REDIC1: variants seen among roughly 807,000 people sequenced by gnomAD.
REDIC1 encodes regulator of DNA class I crossover intermediates 1.
At chr12:39,702,868 T>A in the REDIC1 span, among the ~76,000 whole-genome samples, 1 of 152,224 alleles carries the variant, frequency 6.6e-6, no homozygotes, top group African/African-American at 2.4e-5. Context: ...GAAAAGTCCT[T>A]TGACACAATT....
chr12:39,656,334 T>C, the REDIC1 span, among the ~76,000 whole-genome samples: 1 of 152,300 alleles, frequency 6.6e-6, no homozygotes, highest in Non-Finnish European at 1.5e-5. Context: ...CATAATATTA[T>C]AATGGAGCTG....
chr12:39,789,602 ACAGT>A, the REDIC1 span, among the ~76,000 whole-genome samples: 1 of 152,204 alleles, frequency 6.6e-6, no homozygotes, highest in African/African-American at 2.4e-5. Flanking sequence ...GTATGTGCAC[ACAGT>A]CAATTTTATA....
the REDIC1 span, among the ~76,000 whole-genome samples, chr12:39,801,295 G>T: frequency 1.4e-5 from 2 of 141,806 alleles, no homozygotes; most frequent in African/African-American, 2.6e-5. Context: ...TTTTATAATA[G>T]TGTTTCACTT....
the REDIC1 span, among the ~76,000 whole-genome samples, chr12:39,863,315 G>T: frequency 6.6e-6 from 1 of 152,084 alleles, no homozygotes; most frequent in African/African-American, 2.4e-5. Flanking sequence ...TAAAGTCAAT[G>T]TCAGGAAAAC....
the REDIC1 span, among the ~76,000 whole-genome samples, chr12:39,660,085 T>C: frequency 6.6e-6 from 1 of 152,206 alleles, no homozygotes; most frequent in Non-Finnish European, 1.5e-5. Context: ...AATCAAAATT[T>C]TCCCCCCTAG....
chr12:39,736,442 A>G, the REDIC1 span, among the ~76,000 whole-genome samples: 1 of 152,204 alleles, frequency 6.6e-6, no homozygotes, highest in East Asian at 1.9e-4. Flanking sequence ...ATCTGAGGAG[A>G]CTCATCCACA....
At chr12:39,651,350 G>A in the REDIC1 span, among the ~76,000 whole-genome samples, 3 of 151,200 alleles carry the variant, frequency 2.0e-5, no homozygotes, top group African/African-American at 7.2e-5. Context: ...GTGGGTAATA[G>A]GGAATTCTGT....
chr12:39,854,096 A>G, the REDIC1 span, among the ~76,000 whole-genome samples: 1 of 152,044 alleles, frequency 6.6e-6, no homozygotes, highest in South Asian at 2.1e-4. Flanking sequence ...TAGTATTGAC[A>G]TAAGCAAAAA....
chr12:39,662,299 T>C, the REDIC1 span, among the ~76,000 whole-genome samples: 1 of 143,312 alleles, frequency 7.0e-6, no homozygotes, highest in East Asian at 1.9e-4. Context: ...TGTATCTTCA[T>C]CAATTTATTT....
chr12:39,680,464 A>G, the REDIC1 span, among the ~76,000 whole-genome samples: 1 of 152,216 alleles, frequency 6.6e-6, no homozygotes, highest in Non-Finnish European at 1.5e-5. Context: ...CATAATTAAA[A>G]AATGAAAAAA....
the REDIC1 span, among the ~76,000 whole-genome samples, chr12:39,837,261 T>C: frequency 6.6e-6 from 1 of 150,666 alleles, no homozygotes; most frequent in East Asian, 2.0e-4. Context: ...ATTTAATAAA[T>C]GGTGCTGGGA....
the REDIC1 span, among the ~76,000 whole-genome samples, chr12:39,891,074 T>C: frequency 3.3e-5 from 5 of 151,808 alleles, no homozygotes; most frequent in Admixed American, 3.3e-4. Flanking sequence ...ATAGAAAAAT[T>C]CTGGACACCT....
At chr12:39,805,789 G>A in the REDIC1 span, among the ~76,000 whole-genome samples, 3 of 152,144 alleles carry the variant, frequency 2.0e-5, no homozygotes, top group African/African-American at 7.2e-5. Context: ...AGTCAGAGTT[G>A]AGGTTTTAAA....
At chr12:39,796,563 C>T in the REDIC1 span, among the ~76,000 whole-genome samples, 2 of 151,904 alleles carry the variant, frequency 1.3e-5, no homozygotes, top group Non-Finnish European at 2.9e-5. Context: ...TGGGAGCTGG[C>T]ACAAGGTCCT....
At chr12:39,713,637 A>G in the REDIC1 span, among the ~76,000 whole-genome samples, 3 of 149,496 alleles carry the variant, frequency 2.0e-5, no homozygotes, top group East Asian at 2.0e-4. Context: ...TACAGTACAT[A>G]TGTATATATA....
the REDIC1 span, among the ~76,000 whole-genome samples, chr12:39,860,713 T>C: frequency 6.6e-6 from 1 of 152,208 alleles, no homozygotes; most frequent in South Asian, 2.1e-4. Flanking sequence ...CAGTTAATTA[T>C]TTATTTTAAA....
the REDIC1 span, among the ~76,000 whole-genome samples, chr12:39,781,500 TG>T: frequency 6.6e-6 from 1 of 152,354 alleles, no homozygotes; most frequent in African/African-American, 2.4e-5. Context: ...AATACATATT[TG>T]TTTAATGAAG....
At chr12:39,829,430 A>G in the REDIC1 span, 2 of 51,678 alleles carry the variant, frequency 3.9e-5, no homozygotes, top group South Asian at 6.8e-4. Flanking sequence ...TTTTTGAGGC[A>G]GAGTCTTGCT....
the REDIC1 span, among the ~76,000 whole-genome samples, chr12:39,696,887 A>G: frequency 6.6e-6 from 1 of 152,192 alleles, no homozygotes; most frequent in Admixed American, 6.5e-5. Context: ...CAGAGGAGAC[A>G]AAAGAAAAAA....
Sources: gnomAD v4.1 joint callset for allele counts (sites outside exome capture counted in the v4.1 genomes callset) on GRCh38, gnomAD v4.1.1 for gene constraint, MANE v1.5 for transcripts, NCBI Gene and HGNC (gene_info 2026-07-23, HGNC 2026-07-21) for gene names.